The following TRAPPC9 variants were observed in gnomAD, a reference collection of about 807,000 sequenced individuals.
TRAPPC9 encodes trafficking protein particle complex subunit 9.
TRAPPC9 carries 83 observed loss-of-function variants against 124.0 expected under a neutral mutation model. That is an observed-to-expected ratio of 0.67 (90% CI 0.56 to 0.80). The LOEUF is 0.80. Ranked by LOEUF, TRAPPC9 falls within the 30% of genes least tolerant of loss-of-function variation. The pLI is 0.00. For synonymous variants in TRAPPC9, 638 were observed against 617.5 expected (o/e 1.03, Z -0.49); for missense variants, 1,302 against 1,508.3 (o/e 0.86, Z 2.27).
chr8:139,973,070 T>C (rs1836208560), intron 19 of TRAPPC9, among the ~76,000 whole-genome samples: 1 of 152,196 alleles, frequency 6.6e-6, no homozygotes, highest in Non-Finnish European at 1.5e-5. Context: ...GCAGGTGGAA[T>C]TTAAAAGCCA....
At chr8:139,863,422 G>A (rs36066449) in intron 21 of TRAPPC9, among the ~76,000 whole-genome samples, 19,519 of 152,210 alleles carry the variant, frequency 0.13, 1,621 homozygotes, top group South Asian at 0.26. Flanking sequence ...CCAGGCTGCC[G>A]GGGAGCACCT....
chr8:139,798,713 A>T (rs1307961061), intron 21 of TRAPPC9, among the ~76,000 whole-genome samples: 1 of 152,188 alleles, frequency 6.6e-6, no homozygotes, highest in Non-Finnish European at 1.5e-5. Flanking sequence ...CCTAGCCAAC[A>T]CTTCCCTGAG....
chr8:140,211,951 AGACGAG>A (rs1375183586), intron 17 of TRAPPC9, among the ~76,000 whole-genome samples: 1 of 152,264 alleles, frequency 6.6e-6, no homozygotes, highest in Non-Finnish European at 1.5e-5. Context: ...AACGGACAGC[AGACGAG>A]GACACAGGAA....
At position 140,089,172 on chromosome 8, in the gene TRAPPC9, T is replaced by A. The variant is rs184216041; in HGVS notation, c.2557-65093A>T. ...CAAGTTTCTCCTCGAAGCCCCTCAA[T>A]GCACTGATGGCCTTTTTCTTCTCTC... On this transcript the variant is annotated intron_variant, in intron 17 of 22. Coordinates refer to ENST00000438773, the MANE Select transcript of TRAPPC9 (RefSeq NM_001160372.4). Among the ~76,000 whole-genome samples, 59 of 152,336 alleles carry A rather than the reference T, an allele frequency of 3.9e-4. 1 individual carries two copies. Among genetic ancestry groups the A allele is most frequent in the Admixed American group, 3.4e-3 (52 of 15,304 alleles).
intron 17 of TRAPPC9, among the ~76,000 whole-genome samples, chr8:140,085,678 G>C (rs970665045): frequency 6.6e-6 from 1 of 152,146 alleles, no homozygotes; most frequent in Non-Finnish European, 1.5e-5. Flanking sequence ...TACTCACTTA[G>C]AGAAGAAAGG....
intron 19 of TRAPPC9, among the ~76,000 whole-genome samples, chr8:139,964,717 G>T (rs1028768445): frequency 6.6e-6 from 1 of 152,030 alleles, no homozygotes; most frequent in East Asian, 1.9e-4. Flanking sequence ...ATAAAGAGAT[G>T]AAATGGTAGG....
At chr8:140,009,083 G>A (rs936125030) in intron 18 of TRAPPC9, among the ~76,000 whole-genome samples, 1 of 152,164 alleles carries the variant, frequency 6.6e-6, no homozygotes, top group Non-Finnish European at 1.5e-5. Flanking sequence ...CGGTCCTGTA[G>A]CTCCTTCCAG....
At chr8:139,917,832 C>T (rs1018791794) in intron 19 of TRAPPC9, among the ~76,000 whole-genome samples, 1 of 152,224 alleles carries the variant, frequency 6.6e-6, no homozygotes, top group Non-Finnish European at 1.5e-5. Context: ...GTCCCCATCG[C>T]CTGAACTCGG....
chr8:140,335,363 A>T (rs2067007572), intron 9 of TRAPPC9, among the ~76,000 whole-genome samples: 1 of 152,150 alleles, frequency 6.6e-6, no homozygotes, highest in Non-Finnish European at 1.5e-5. Context: ...ACATGAGAGA[A>T]ACTCAGGCAT....
At chr8:140,271,787 T>C (rs1450987897) in intron 15 of TRAPPC9, among the ~76,000 whole-genome samples, 1 of 152,208 alleles carries the variant, frequency 6.6e-6, no homozygotes, top group Non-Finnish European at 1.5e-5. Context: ...ATCTATGCCA[T>C]TAGAAGTCAA....
intron 21 of TRAPPC9, among the ~76,000 whole-genome samples, chr8:139,794,798 C>G (rs1401584416): frequency 6.6e-6 from 1 of 152,204 alleles, no homozygotes. Flanking sequence ...TCCAACCATA[C>G]AAGCCAGCCT....
intron 18 of TRAPPC9, among the ~76,000 whole-genome samples, chr8:139,995,299 G>C (rs1249521989): frequency 6.6e-6 from 1 of 152,190 alleles, no homozygotes; most frequent in Non-Finnish European, 1.5e-5. Context: ...AGTGGGAAAA[G>C]GTACTATGAA....
chr8:140,276,622 G>A (rs1267530441), intron 14 of TRAPPC9, among the ~76,000 whole-genome samples: 2 of 152,172 alleles, frequency 1.3e-5, no homozygotes, highest in Admixed American at 1.3e-4. Context: ...CCAATCCACA[G>A]GCTGCAAACA....
intron 16 of TRAPPC9, among the ~76,000 whole-genome samples, chr8:140,237,629 A>G (rs898213689): frequency 2.6e-5 from 4 of 152,006 alleles, no homozygotes; most frequent in African/African-American, 9.7e-5. Flanking sequence ...GGTGCAACTA[A>G]TTCAGAATTC....
chr8:140,073,417 C>T (rs771912675), intron 17 of TRAPPC9, among the ~76,000 whole-genome samples: 1 of 152,172 alleles, frequency 6.6e-6, no homozygotes, highest in Non-Finnish European at 1.5e-5. Flanking sequence ...GATAATCTCA[C>T]GAACATTATA....
chr8:140,038,005 TC>T (rs1255131348), intron 17 of TRAPPC9, among the ~76,000 whole-genome samples: 2 of 149,586 alleles, frequency 1.3e-5, no homozygotes, highest in African/African-American at 4.9e-5. Context: ...TTACCCACTC[TC>T]TCCAACTAGG....
intron 4 of TRAPPC9, among the ~76,000 whole-genome samples, chr8:140,428,351 T>C (rs1437070188): frequency 6.6e-6 from 1 of 152,186 alleles, no homozygotes. Flanking sequence ...AAATTATCAA[T>C]CAGACCAAAA....
intron 7 of TRAPPC9, among the ~76,000 whole-genome samples, chr8:140,376,719 T>C (rs1281347517): frequency 2.0e-5 from 3 of 149,090 alleles, no homozygotes; most frequent in Admixed American, 2.0e-4. Context: ...CAACTAAAAA[T>C]ATAAAAATTA....
At chr8:139,911,832 G>A (rs2035131) in intron 19 of TRAPPC9, among the ~76,000 whole-genome samples, 99,912 of 151,810 alleles carry the variant, frequency 0.66, 34,892 homozygotes, top group African/African-American at 0.91. Flanking sequence ...AAGAAATAAG[G>A]GGACCTGCTG....
Sources: allele counts gnomAD v4.1 joint callset (sites outside exome capture counted in the v4.1 genomes callset), GRCh38; gene constraint gnomAD v4.1.1; transcripts MANE v1.5; gene names NCBI Gene and HGNC (gene_info 2026-07-23, HGNC 2026-07-21).